C4orf51: variants seen among roughly 807,000 people sequenced by gnomAD.
The protein encoded by C4orf51 is chromosome 4 open reading frame 51.
C4orf51 carries 25 observed loss-of-function variants against 25.2 expected under a neutral mutation model. The ratio of observed to expected loss-of-function variants is 0.99; its 90% CI spans 0.72 to 1.39. C4orf51 has a LOEUF of 1.39. Ranked by LOEUF, C4orf51 falls within the 40% of genes most tolerant of loss-of-function variation. The pLI is 0.00. For missense variants in C4orf51, 252 were observed against 239.6 expected, an observed-to-expected ratio of 1.05 and a Z score of -0.34; for synonymous variants, 100 against 84.5, an observed-to-expected ratio of 1.18 and a Z score of -1.01.
At chr4:145,686,357 T>C (rs1187985395) in intron 1 of C4orf51, among the ~76,000 whole-genome samples, 1 of 152,226 alleles carries the variant, frequency 6.6e-6, no homozygotes, top group Non-Finnish European at 1.5e-5. Flanking sequence ...TTGTGAATGT[T>C]CTTACTTTCA....
At chr4:145,690,676 T>C (rs1193030708) in intron 1 of C4orf51, among the ~76,000 whole-genome samples, 1 of 152,078 alleles carries the variant, frequency 6.6e-6, no homozygotes, top group Non-Finnish European at 1.5e-5. Context: ...CCGAAGAAAC[T>C]ATCAACAGAG....
At chr4:145,705,479 G>A (rs1730749629) in intron 2 of C4orf51, among the ~76,000 whole-genome samples, 2 of 152,116 alleles carry the variant, frequency 1.3e-5, no homozygotes. Flanking sequence ...CCCCTCAAGA[G>A]TCCAGTACCC....
intron 2 of C4orf51, among the ~76,000 whole-genome samples, chr4:145,720,222 C>T (rs1731655632): frequency 6.6e-6 from 1 of 152,088 alleles, no homozygotes; most frequent in Non-Finnish European, 1.5e-5. Flanking sequence ...GCAATGGGCA[C>T]CTCCCCCAGC....
At position 145,761,232 on chromosome 4, in the gene C4orf51, G is replaced by A. The variant is rs779810120; in HGVS notation, n.167-9756G>A. On this transcript the variant is annotated intron_variant and non_coding_transcript_variant, in intron 1 of 1. Transcript: ENST00000510096. This position sits in a 1 kb window ranked among gnomAD's most constrained non-coding sequence, Gnocchi z 6.8. ...TGACGTGGCGGCTGAAGACGAAAGG[G>A]TGTGTGGTCTTGAACAGGCACTCTT... 86 of 1,289,890 alleles carry A rather than the reference G, an allele frequency of 6.7e-5. 1 individual carries two copies. The highest frequency in any genetic ancestry group is 6.3e-4 in the South Asian group (51 of 81,032). The allele number at this position is 1,289,890 out of a possible 1,614,324, so 79.9% of individuals were successfully genotyped here.
At chr4:145,703,080 A>G (rs1730563354) in intron 2 of C4orf51, among the ~76,000 whole-genome samples, 1 of 151,932 alleles carries the variant, frequency 6.6e-6, no homozygotes, top group African/African-American at 2.4e-5. Flanking sequence ...GCCCAAGCCA[A>G]GCCATCACAT....
chr4:145,784,033 CT>C, the C4orf51 span, among the ~76,000 whole-genome samples: 101 of 152,264 alleles, frequency 6.6e-4, 1 homozygote, highest in East Asian at 0.019. Flanking sequence ...GCACCTTCCC[CT>C]TCTCTATTCC....
At chr4:145,690,296 G>T (rs1217759180) in intron 1 of C4orf51, among the ~76,000 whole-genome samples, 1 of 151,810 alleles carries the variant, frequency 6.6e-6, no homozygotes, top group Non-Finnish European at 1.5e-5. Flanking sequence ...ACGAGGTCAG[G>T]AGATCAAGAC....
intron 1 of C4orf51, among the ~76,000 whole-genome samples, chr4:145,740,240 C>CAAAAAAAAAAAAAAAAAAAAAAAAAA (rs60310006): frequency 7.6e-5 from 8 of 104,834 alleles, no homozygotes; most frequent in South Asian, 3.2e-4. Flanking sequence ...TCCCTTTCTG[C>CAAAAAAAAAAAAAAAAAAAAAAAAAA]AAAAAAAAAA....
the C4orf51 span, chr4:145,779,553 A>G: frequency 1.9e-6 from 3 of 1,599,128 alleles, no homozygotes; most frequent in Non-Finnish European, 2.6e-6. Context: ...TAAGGCAACA[A>G]GAATACATTT....
chr4:145,731,207 A>T (rs1291251629), intron 5 of C4orf51, among the ~76,000 whole-genome samples: 1 of 152,176 alleles, frequency 6.6e-6, no homozygotes, highest in East Asian at 1.9e-4. Context: ...ATTGTTAAAT[A>T]AATAAATCCC....
intron 2 of C4orf51, among the ~76,000 whole-genome samples, chr4:145,713,543 G>A (rs1731242572): frequency 1.3e-5 from 2 of 152,182 alleles, no homozygotes. Context: ...CTGAATTGCT[G>A]CAATCTCATA....
intron 1 of C4orf51, among the ~76,000 whole-genome samples, chr4:145,695,136 A>G (rs1729965877): frequency 6.6e-6 from 1 of 152,214 alleles, no homozygotes; most frequent in African/African-American, 2.4e-5. Context: ...CGGTAGTTCT[A>G]TTTTTAGCTT....
chr4:145,707,141 G>C (rs775061299), intron 2 of C4orf51, among the ~76,000 whole-genome samples: 1 of 152,018 alleles, frequency 6.6e-6, no homozygotes, highest in African/African-American at 2.4e-5. Context: ...GAGTTTCACT[G>C]TGTTAGCCAG....
intron 1 of C4orf51, among the ~76,000 whole-genome samples, chr4:145,682,815 A>C (rs552360592): frequency 6.6e-6 from 1 of 152,318 alleles, no homozygotes; most frequent in South Asian, 2.1e-4. Flanking sequence ...CATGGTTAAA[A>C]TAAGGGAAGG....
chr4:145,729,278 T>G lies in C4orf51; in HGVS notation c.427+49T>G, dbSNP rs79890213. The G allele has an allele frequency of 5.9e-5, 66 of 1,110,492 alleles. No homozygotes were observed. In the African/African-American group the frequency reaches 9.8e-4, roughly 17 times the overall value. The allele number at this position is 1,110,492 out of a possible 1,614,324, so 68.8% of individuals were successfully genotyped here. A position where few individuals can be genotyped will look rare whatever the true frequency, so the allele number is the denominator to read the frequency against. On this transcript the variant is annotated intron_variant, in intron 4 of 5. Coordinates refer to ENST00000438731, the MANE Select transcript of C4orf51 (RefSeq NM_001080531.3). ...CTTTACATCCATTTTCTGGCCTTTA[T>G]TTTAATCGTGGTCATGTGATTTTTT...
At chr4:145,787,483 A>G in the C4orf51 span, among the ~76,000 whole-genome samples, 1 of 151,824 alleles carries the variant, frequency 6.6e-6, no homozygotes, top group Non-Finnish European at 1.5e-5. Flanking sequence ...AAAAAAAAAA[A>G]AGAAATAGTT....
At chr4:145,719,497 C>T (rs1354829094) in intron 2 of C4orf51, among the ~76,000 whole-genome samples, 3 of 146,176 alleles carry the variant, frequency 2.1e-5, no homozygotes, top group Non-Finnish European at 4.5e-5. Flanking sequence ...CCCAGCTACT[C>T]GGGAGGCTGA....
chr4:145,712,499 T>C (rs1298486444), intron 2 of C4orf51, among the ~76,000 whole-genome samples: 2 of 152,274 alleles, frequency 1.3e-5, no homozygotes, highest in African/African-American at 4.8e-5. Flanking sequence ...CACAACATTT[T>C]CTTAAGCCAA....
the C4orf51 span, among the ~76,000 whole-genome samples, chr4:145,785,973 A>G: frequency 1.4e-3 from 214 of 152,334 alleles, no homozygotes; most frequent in African/African-American, 5.1e-3. Context: ...AAAGTGTAAT[A>G]TGTCAAAACT....
Sources: allele counts gnomAD v4.1 joint callset (sites outside exome capture counted in the v4.1 genomes callset), GRCh38; gene constraint gnomAD v4.1.1; non-coding constraint Gnocchi (gnomAD v3.1); transcripts MANE v1.5; gene names NCBI Gene and HGNC (gene_info 2026-07-23, HGNC 2026-07-21).